Variants in VPS13C observed in about 807,000 individuals in gnomAD.
The protein encoded by VPS13C is vacuolar protein sorting 13 homolog C, also known as intermembrane lipid transfer protein VPS13C.
In VPS13C, 358 loss-of-function variants were observed where a neutral mutation model predicts 456.8. The ratio of observed to expected loss-of-function variants is 0.78; its 90% CI spans 0.72 to 0.86. The LOEUF is 0.86. Among genes scored for constraint, VPS13C ranks in the 40% least tolerant of loss-of-function variants. The pLI, the probability that VPS13C is intolerant of heterozygous loss-of-function variation, is 0.00. For missense variants in VPS13C, 4,818 were observed against 4,385.4 expected (o/e 1.10, Z -2.79); for synonymous variants, 1,578 against 1,486.7 (o/e 1.06, Z -1.41).
intron 38 of VPS13C, among the ~76,000 whole-genome samples, chr15:61,953,600 G>C: frequency 6.6e-6 from 1 of 151,956 alleles, no homozygotes. Flanking sequence ...AGTATTCCAT[G>C]GTGTATATGT....
At chr15:61,929,455 G>T in intron 51 of VPS13C, 46 bp downstream of exon 51, 14 of 1,541,498 alleles carry the variant, frequency 9.1e-6, no homozygotes, top group South Asian at 7.6e-5. Flanking sequence ...TGTAATTCTT[G>T]TCAAAATATA....
At chr15:61,860,256 G>C (rs993373461) in intron 82 of VPS13C, among the ~76,000 whole-genome samples, 3 of 152,016 alleles carry the variant, frequency 2.0e-5, no homozygotes, top group African/African-American at 7.2e-5. Context: ...AGTAATCAAA[G>C]AAATGCTAAT....
chr15:62,025,759 A>G (rs550575156), intron 6 of VPS13C, among the ~76,000 whole-genome samples: 1 of 152,240 alleles, frequency 6.6e-6, no homozygotes, highest in South Asian at 2.1e-4. Context: ...ATCACAAACT[A>G]AAGCAGTTCT....
At chr15:61,989,469 G>A (rs28850690) in intron 18 of VPS13C, among the ~76,000 whole-genome samples, 15,977 of 151,628 alleles carry the variant, frequency 0.11, 1,628 homozygotes, top group African/African-American at 0.27. Context: ...ACAACTAAAA[G>A]TGAAAAGCCA....
At chr15:61,911,818 T>C in intron 63 of VPS13C, 22 bp downstream of exon 63, 1 of 1,564,446 alleles carries the variant, frequency 6.4e-7, no homozygotes, top group Non-Finnish European at 8.7e-7. Context: ...TAGGAATCAG[T>C]TGTAACAAAG....
chr15:61,897,800 T>A (rs1019958977), intron 66 of VPS13C, among the ~76,000 whole-genome samples: 10 of 151,846 alleles, frequency 6.6e-5, no homozygotes, highest in African/African-American at 2.2e-4. Flanking sequence ...CACATAATTG[T>A]CAGATTCACC....
At chr15:61,928,846 T>C (rs1024147756) in intron 51 of VPS13C, among the ~76,000 whole-genome samples, 1 of 150,330 alleles carries the variant, frequency 6.7e-6, no homozygotes, top group Non-Finnish European at 1.5e-5. Flanking sequence ...ATTACACCAC[T>C]GCACTCCAGC....
chr15:62,037,244 ATAATATATTTATATATATTATATTATAT>A (rs2048041696), intron 3 of VPS13C, among the ~76,000 whole-genome samples: 2 of 27,706 alleles, frequency 7.2e-5, no homozygotes, highest in Non-Finnish European at 1.3e-4. Flanking sequence ...ATAAATATAT[ATAATATATTTATATATATTATATTATAT>A]AATATATTAT....
chr15:61,932,137 G>A (rs753987909), intron 49 of VPS13C, among the ~76,000 whole-genome samples: 7 of 152,098 alleles, frequency 4.6e-5, no homozygotes, highest in Non-Finnish European at 8.8e-5. Context: ...GCCATTTAGT[G>A]GTTAGGTAAA....
chr15:61,925,966 T>C (rs938833581), intron 52 of VPS13C, among the ~76,000 whole-genome samples: 9 of 152,214 alleles, frequency 5.9e-5, no homozygotes, highest in African/African-American at 2.2e-4. Flanking sequence ...TGAAATATCA[T>C]GTAAGGCCTT....
Position 61,911,980 on chromosome 15 carries a change from T to G in VPS13C, c.8575A>C (p.Ser2859Arg). 1 of 1,604,260 alleles carries G rather than the reference T, an allele frequency of 6.2e-7. No homozygotes were observed. The highest frequency in any genetic ancestry group is 8.5e-7 in the Non-Finnish European group (1 of 1,175,270). Residue 2859 changes from serine (S) to arginine (R), a missense_variant, in exon 63 of 85, where the codon AGT (serine) becomes CGT (arginine). By Grantham distance (110) the Ser-to-Arg change is moderately radical. Coordinates refer to ENST00000644861, the MANE Select transcript of VPS13C (RefSeq NM_020821.3). ...YLVGVSIKMSSFNLSRIVTLT... is the reference protein window; with the variant it reads ...YLVGVSIKMSRFNLSRIVTLT... The stretch of plus-strand genomic sequence containing the variant: ...GTAACTATTCGTGAAAGGTTGAAAC[T>G]GCTCATTTTGATGCTAACACCAACC...
intron 16 of VPS13C, among the ~76,000 whole-genome samples, chr15:61,993,548 C>T (rs34257602): frequency 0.057 from 8,657 of 151,878 alleles, 312 homozygotes; most frequent in Non-Finnish European, 0.08. Flanking sequence ...TTAGCATTAG[C>T]GTTGAAATCT....
At chr15:61,896,905 G>C (rs2042838595) in intron 66 of VPS13C, among the ~76,000 whole-genome samples, 1 of 152,216 alleles carries the variant, frequency 6.6e-6, no homozygotes, top group Non-Finnish European at 1.5e-5. Flanking sequence ...CTGGAGATCT[G>C]AGAAGGGGCA....
chr15:61,956,153 G>C (rs1055124923), intron 37 of VPS13C, among the ~76,000 whole-genome samples: 2 of 152,094 alleles, frequency 1.3e-5, no homozygotes, highest in Non-Finnish European at 2.9e-5. Context: ...CCACAGAAAA[G>C]AATGAAATCA....
At chr15:62,006,969 A>G (rs1461799769) in intron 15 of VPS13C, among the ~76,000 whole-genome samples, 1 of 152,186 alleles carries the variant, frequency 6.6e-6, no homozygotes, top group East Asian at 1.9e-4. Context: ...CCGTATAAAT[A>G]CAGGATGTTT....
Position 61,853,468 on chromosome 15 carries a change from T to A in VPS13C, c.*989A>T, listed in dbSNP as rs1245198471. The A allele has an allele frequency of 6.6e-6, 1 of 152,218 alleles. No homozygotes were observed. The highest frequency in any genetic ancestry group is 1.9e-4 in the East Asian group (1 of 5,198). 9.4% of individuals were successfully genotyped at this position (152,218 alleles called of 1,614,324 possible). On this transcript the variant is annotated 3_prime_UTR_variant, in exon 85 of 85. Coordinates refer to ENST00000644861, the MANE Select transcript of VPS13C (RefSeq NM_020821.3). ...AATACTTCCAAATTTTTATGAATGC[T>A]ACATTACAGAGGGCAGAGTGTAGCT...
At chr15:61,910,063 A>G (rs1196828321) in intron 64 of VPS13C, 114 bp downstream of exon 64, 1 of 478,114 alleles carries the variant, frequency 2.1e-6, no homozygotes, top group Non-Finnish European at 2.8e-6. Flanking sequence ...CCAACATGGC[A>G]CATGTATACA....
At chr15:62,003,023 G>A (rs2140470772) in intron 15 of VPS13C, among the ~76,000 whole-genome samples, 1 of 152,114 alleles carries the variant, frequency 6.6e-6, no homozygotes, top group East Asian at 1.9e-4. Flanking sequence ...GGTTCCATAT[G>A]AACTTTAAAG....
chr15:62,029,419 A>G lies in VPS13C; in HGVS notation c.386-999T>C, dbSNP rs900967467. 1.3e-4 allele frequency among the ~76,000 whole-genome samples: 20 copies of G among 152,052 alleles called. No homozygotes were observed. In the East Asian group the frequency reaches 2.7e-3, roughly 21 times the overall value. ...TATCAGACTCCCAAACTGTTAGCTG[A>G]TCCCACAGATGCTCTATACTTTCCC... On this transcript the variant is annotated intron_variant, in intron 5 of 84. Coordinates refer to ENST00000644861, the MANE Select transcript of VPS13C (RefSeq NM_020821.3).
Sources: gnomAD v4.1 joint callset for allele counts (sites outside exome capture counted in the v4.1 genomes callset) on GRCh38, gnomAD v4.1.1 for gene constraint, MANE v1.5 for transcripts, NCBI Gene and HGNC (gene_info 2026-07-23, HGNC 2026-07-21) for gene names.